AKAP13: variants seen among roughly 807,000 people sequenced by gnomAD.
AKAP13 encodes A-kinase anchor protein 13.
A neutral mutation model predicts 264.5 loss-of-function variants in AKAP13; 80 were observed. The observed-to-expected ratio is 0.30, with a 90% CI of 0.25 to 0.36. The LOEUF (loss-of-function observed/expected upper bound fraction) is 0.36. AKAP13 is among the 10% of genes least tolerant of loss of function. The pLI, the probability that AKAP13 is intolerant of heterozygous loss-of-function variation, is 1.00. For synonymous variants in AKAP13, 1,380 were observed against 1,250.2 expected, an observed-to-expected ratio of 1.10 and a Z score of -2.19; for missense variants, 3,712 against 3,435.2, an observed-to-expected ratio of 1.08 and a Z score of -2.01.
At chr15:85,493,077 A>G (rs2075776890) in intron 2 of AKAP13, among the ~76,000 whole-genome samples, 2 of 152,214 alleles carry the variant, frequency 1.3e-5, no homozygotes, top group Admixed American at 6.5e-5. Context: ...GTACCCTTGA[A>G]TATAGGCGAA....
intron 19 of AKAP13, among the ~76,000 whole-genome samples, chr15:85,711,092 T>C (rs2086612774): frequency 6.6e-6 from 1 of 152,152 alleles, no homozygotes; most frequent in Non-Finnish European, 1.5e-5. Context: ...CTCGGCTCAC[T>C]GCAACCTCCA....
Position 85,485,750 on chromosome 15 carries a change from A to C in AKAP13, c.30A>C (p.Leu10Phe). The change falls in exon 2 of 37, where the codon TTA becomes TTC. Residue 10 changes from leucine (L) to phenylalanine (F), a missense_variant. By Grantham distance (22) the Leu-to-Phe change is conservative. Around this residue, in one of 3 missense-constraint regions of AKAP13, gnomAD observed 2,759 missense variants for 2,411.7 expected, o/e 1.14. Coordinates refer to ENST00000394518, the MANE Select transcript of AKAP13 (RefSeq NM_007200.5). ...AACTTAATCCACAGCAAGCTCCCTT[A>C]TATGTGAGTAAATCATGAGATTTCT... is the stretch of plus-strand genomic sequence containing the variant. MKLNPQQAPLYGDCVVTVLL... is the reference protein window; with the variant it reads MKLNPQQAPFYGDCVVTVLL... 1 of 1,612,762 alleles carries C rather than the reference A, an allele frequency of 6.2e-7. No individual in the cohort carries two copies. Among genetic ancestry groups the C allele is most frequent in the Non-Finnish European group, 8.5e-7 (1 of 1,178,942 alleles).
intron 1 of AKAP13, among the ~76,000 whole-genome samples, chr15:85,469,428 G>T (rs1186922858): frequency 6.6e-6 from 1 of 152,160 alleles, no homozygotes; most frequent in African/African-American, 2.4e-5. Context: ...GGTAGTTCCA[G>T]ATTGTGACAA....
At chr15:85,495,583 C>T (rs1018453235) in intron 2 of AKAP13, among the ~76,000 whole-genome samples, 1 of 152,188 alleles carries the variant, frequency 6.6e-6, no homozygotes, top group Non-Finnish European at 1.5e-5. Context: ...GCAAATTAAA[C>T]ACTTTTTAAA....
chr15:85,741,259 C>T lies in AKAP13; in HGVS notation c.7822C>T (p.Arg2608Cys), dbSNP rs750119172. Residue 2608 changes from arginine to cysteine, a missense_variant, in exon 35 of 37, where the codon CGT (arginine) becomes TGT (cysteine). Arg to Cys is a radical substitution (Grantham distance 180). Coordinates refer to ENST00000394518, the MANE Select transcript of AKAP13 (RefSeq NM_007200.5). ...CAGGCGCGAGCGTGAGTGGGAAGCT[C>T]GTGAGAGGGAGCTGCGGGAGCGGGA... ...KRRREREWEARERELREREAL... is the reference protein window; with the variant it reads ...KRRREREWEACERELREREAL... The T allele has an allele frequency of 6.2e-7, 1 of 1,609,628 alleles. No homozygotes were observed. The highest frequency in any genetic ancestry group is 8.5e-7 in the Non-Finnish European group (1 of 1,178,110).
At chr15:85,663,016 G>T (rs868516796) in intron 12 of AKAP13, among the ~76,000 whole-genome samples, 9 of 152,098 alleles carry the variant, frequency 5.9e-5, no homozygotes, top group African/African-American at 1.9e-4. Flanking sequence ...GGTATTGAAA[G>T]TGAGTTTTAC....
intron 9 of AKAP13, among the ~76,000 whole-genome samples, chr15:85,643,197 G>A (rs1207145988): frequency 1.0e-5 from 1 of 95,374 alleles, no homozygotes; most frequent in Non-Finnish European, 2.3e-5. Context: ...ACTTCCTATG[G>A]CATTTTTTTT....
intron 8 of AKAP13, among the ~76,000 whole-genome samples, chr15:85,605,598 C>T (rs2080289183): frequency 6.6e-6 from 1 of 152,088 alleles, no homozygotes; most frequent in Non-Finnish European, 1.5e-5. Context: ...ATGTAACAAA[C>T]CTCCCGAGTC....
intron 4 of AKAP13, among the ~76,000 whole-genome samples, chr15:85,541,265 A>G (rs762159530): frequency 4.6e-5 from 7 of 152,232 alleles, no homozygotes; most frequent in African/African-American, 1.4e-4. Flanking sequence ...GTGGACTGAT[A>G]TCTTCAAGTT....
chr15:85,511,358 G>A (rs2076413243), intron 2 of AKAP13, among the ~76,000 whole-genome samples: 1 of 152,110 alleles, frequency 6.6e-6, no homozygotes, highest in African/African-American at 2.4e-5. Flanking sequence ...TCTTAACTTA[G>A]TGCAGGTTGA....
intron 10 of AKAP13, among the ~76,000 whole-genome samples, chr15:85,646,193 G>A (rs2151491071): frequency 6.6e-6 from 1 of 152,278 alleles, no homozygotes; most frequent in South Asian, 2.1e-4. Context: ...AAAGGCACTG[G>A]GCTGGGCATG....
At chr15:85,458,401 T>TTTTG (rs1190174764) in intron 1 of AKAP13, among the ~76,000 whole-genome samples, 1 of 148,898 alleles carries the variant, frequency 6.7e-6, no homozygotes, top group Non-Finnish European at 1.5e-5. Context: ...TTGTTTTTTT[T>TTTTG]TTTTTTTACT....
intron 16 of AKAP13, chr15:85,693,063 C>G (rs1422486436): frequency 9.7e-6 from 7 of 724,732 alleles, no homozygotes; most frequent in Middle Eastern, 4.2e-4. Flanking sequence ...ACTGTTCCGC[C>G]TGCCCAGTTT....
At chr15:85,399,690 G>A (rs1176598399) in intron 1 of AKAP13, among the ~76,000 whole-genome samples, 2 of 151,930 alleles carry the variant, frequency 1.3e-5, no homozygotes, top group African/African-American at 4.8e-5. Context: ...CCTCTTAGGT[G>A]CTAAACGTTA....
At chr15:85,644,367 A>G (rs2082448590) in intron 9 of AKAP13, among the ~76,000 whole-genome samples, 2 of 151,724 alleles carry the variant, frequency 1.3e-5, no homozygotes, top group Admixed American at 6.6e-5. Flanking sequence ...CAGCCTCCCA[A>G]GTAGCTGGGA....
At chr15:85,719,041 G>C in intron 22 of AKAP13, 35 bp from the exon 23 acceptor site, 9 of 1,608,482 alleles carry the variant, frequency 5.6e-6, no homozygotes, top group Non-Finnish European at 7.6e-6. Flanking sequence ...TTATAAAAGA[G>C]TGTTCCTGAC....
At chr15:85,491,942 T>C (rs4842883) in intron 2 of AKAP13, among the ~76,000 whole-genome samples, 77,493 of 151,848 alleles carry the variant, frequency 0.51, 20,309 homozygotes, top group Middle Eastern at 0.6. Context: ...GCATCGTTAC[T>C]TTCGTCATAC....
chr15:85,615,177 CAGTT>C (rs1368177136), intron 8 of AKAP13, among the ~76,000 whole-genome samples: 2 of 152,116 alleles, frequency 1.3e-5, no homozygotes, highest in Admixed American at 6.5e-5. Context: ...CTATTATTGT[CAGTT>C]AGCTGCTGCC....
rs115906769 is a variant in AKAP13 at position 85,741,281 on chromosome 15, G to A, written c.7844G>A (p.Arg2615Gln). 4.7e-4 allele frequency: 762 copies of A among 1,610,516 alleles called. 1 individual carries two copies. The African/African-American group carries it at 5.9e-3, about 13-fold the overall frequency. The change falls in exon 35 of 37, where the codon CGG (arginine) becomes CAG (glutamine). Residue 2615 changes from arginine (R) to glutamine (Q), a missense_variant. By Grantham distance (43) the Arg-to-Gln change is conservative (BLOSUM62 1). This residue lies in a region of AKAP13 where 611 missense variants were observed against 539.3 expected (regional missense o/e 1.13). Coordinates refer to ENST00000394518, the MANE Select transcript of AKAP13 (RefSeq NM_007200.5). ...WEARERELRE[R>Q]EALLAQREEE... ...GCTCGTGAGAGGGAGCTGCGGGAGC[G>A]GGAGGCCCTCCTGGCCCAGCGCGAG... is the stretch of plus-strand genomic sequence containing the variant.
Sources: allele counts gnomAD v4.1 joint callset (sites outside exome capture counted in the v4.1 genomes callset), GRCh38; gene constraint gnomAD v4.1.1; regional missense constraint gnomAD v4.1.1; transcripts MANE v1.5; gene names NCBI Gene and HGNC (gene_info 2026-07-23, HGNC 2026-07-21).